KCNU1: variants seen among roughly 807,000 people sequenced by gnomAD.
KCNU1 encodes potassium calcium-activated channel subfamily U member 1, also known as potassium channel subfamily U member 1.
A neutral mutation model predicts 126.8 loss-of-function variants in KCNU1; 93 were observed. The observed-to-expected ratio is 0.73, with a 90% confidence interval of 0.62 to 0.87. The LOEUF (loss-of-function observed/expected upper bound fraction) is 0.87. KCNU1 is among the 40% of genes least tolerant of loss of function. The pLI is 0.00. For missense variants in KCNU1, 1,330 were observed against 1,367.1 expected (o/e 0.97, Z 0.43); for synonymous variants, 523 against 494.2 (o/e 1.06, Z -0.77).
intron 21 of KCNU1, 33 bp from the exon 22 acceptor site, chr8:36,910,897 A>G: frequency 6.7e-7 from 1 of 1,482,556 alleles, no homozygotes; most frequent in Non-Finnish European, 9.3e-7. Context: ...CCTCCATCCG[A>G]CCAGTGCCTC....
At chr8:36,935,055 T>C (rs895690331) in intron 26 of KCNU1, among the ~76,000 whole-genome samples, 3 of 152,136 alleles carry the variant, frequency 2.0e-5, no homozygotes, top group Non-Finnish European at 2.9e-5. Context: ...CTGAAATATA[T>C]GTCATCTTTC....
intron 18 of KCNU1, among the ~76,000 whole-genome samples, chr8:36,857,950 G>A (rs1170092008): frequency 1.3e-5 from 2 of 151,886 alleles, no homozygotes; most frequent in East Asian, 3.9e-4. Context: ...CCAGCCACAA[G>A]TTTTCTTCAT....
intron 2 of KCNU1, among the ~76,000 whole-genome samples, chr8:36,793,730 G>A (rs991457150): frequency 6.7e-6 from 1 of 148,554 alleles, no homozygotes; most frequent in African/African-American, 2.6e-5. Flanking sequence ...TTGTCCTAGT[G>A]TAATTGTTAA....
intron 2 of KCNU1, among the ~76,000 whole-genome samples, chr8:36,797,974 C>T (rs1803166494): frequency 6.6e-6 from 1 of 152,148 alleles, no homozygotes; most frequent in East Asian, 1.9e-4. Context: ...ATAGGGAGTA[C>T]AAGACGAGGC....
intron 22 of KCNU1, among the ~76,000 whole-genome samples, chr8:36,912,123 T>C (rs541464661): frequency 6.6e-6 from 1 of 152,306 alleles, no homozygotes; most frequent in South Asian, 2.1e-4. Flanking sequence ...CCTTGGGCCA[T>C]GCAGCCTCTG....
intron 20 of KCNU1, among the ~76,000 whole-genome samples, chr8:36,907,384 A>G (rs1488305984): frequency 6.6e-6 from 1 of 152,138 alleles, no homozygotes. Context: ...TTGGCCATGT[A>G]TCTTGTTTCT....
intron 2 of KCNU1, among the ~76,000 whole-genome samples, chr8:36,796,539 G>T (rs1455926326): frequency 6.6e-6 from 1 of 152,132 alleles, no homozygotes; most frequent in African/African-American, 2.4e-5. Flanking sequence ...GATATCCACT[G>T]ATATACAAAG....
rs1807769822 is a variant in KCNU1 at position 36,909,339 on chromosome 8, T to G, written c.2135T>G (p.Phe712Cys). 1 of 1,613,434 alleles carries G rather than the reference T, an allele frequency of 6.2e-7. No homozygotes were observed. The highest frequency in any genetic ancestry group is 1.1e-5 in the South Asian group (1 of 91,068). Residue 712 changes from phenylalanine (F) to cysteine (C), a missense_variant, in exon 21 of 27, where the codon TTT (phenylalanine) becomes TGT (cysteine). This residue lies in a region of KCNU1 where 1,054 missense variants were observed against 1,053.9 expected (regional missense o/e 1.00). Coordinates refer to ENST00000399881, the MANE Select transcript of KCNU1 (RefSeq NM_001031836.3). ...CGAACTGGCAAGTCAAAGTATAAGTTTCGGAACCATATTGTAGCATGTGTA... is the reference window on the plus strand; with the variant it reads ...CGAACTGGCAAGTCAAAGTATAAGTGTCGGAACCATATTGTAGCATGTGTA... Reference protein sequence around the residue: ...LKRTGKSKYKFRNHIVACVFG... With the variant: ...LKRTGKSKYKCRNHIVACVFG...
At chr8:36,811,886 A>G (rs903479043) in intron 7 of KCNU1, among the ~76,000 whole-genome samples, 16 of 151,758 alleles carry the variant, frequency 1.1e-4, no homozygotes, top group African/African-American at 3.4e-4. Context: ...GGCTAATGAA[A>G]CCTCATCTCT....
chr8:36,805,088 C>A, intron 3 of KCNU1, 107 bp from the exon 4 acceptor site: 1 of 680,690 alleles, frequency 1.5e-6, no homozygotes, highest in Non-Finnish European at 2.5e-6. Context: ...TGTCTGGATT[C>A]ATGGTGAATA....
chr8:36,865,362 T>C (rs1253773733), intron 19 of KCNU1, among the ~76,000 whole-genome samples: 1 of 152,110 alleles, frequency 6.6e-6, no homozygotes, highest in African/African-American at 2.4e-5. Flanking sequence ...GGGCATTTAT[T>C]CAAAGAAAAC....
rs1585436306 is a variant in KCNU1, at chr8:36,836,652, G to T, written c.1366-141G>T. The T allele has an allele frequency of 2.6e-5, 19 of 738,288 alleles. No individual in the cohort carries two copies. The East Asian group carries it at 5.1e-4, about 20-fold the overall frequency. The allele number at this position is 738,288 out of a possible 1,614,324, so 45.7% of individuals were successfully genotyped here. A position where few individuals can be genotyped will look rare whatever the true frequency, so the allele number is the denominator to read the frequency against. On this transcript the variant is annotated intron_variant, in intron 13 of 26. Transcript: ENST00000399881. ...TGAATTTGTTCTTATCATTTTCATT[G>T]ACCTGGGCACCACTTTTGTGTGCAA... is the stretch of plus-strand genomic sequence containing the variant.
At chr8:36,892,643 C>T (rs1012211573) in intron 19 of KCNU1, among the ~76,000 whole-genome samples, 1 of 152,040 alleles carries the variant, frequency 6.6e-6, no homozygotes, top group Non-Finnish European at 1.5e-5. Flanking sequence ...TAAATCTCTA[C>T]TCAGCTTTAT....
rs756266874 is a variant in KCNU1 at position 36,909,544 on chromosome 8, C to T, written c.2331+9C>T. On this transcript the variant is annotated intron_variant, in intron 21 of 26. Coordinates refer to ENST00000399881, the MANE Select transcript of KCNU1 (RefSeq NM_001031836.3). The stretch of plus-strand genomic sequence containing the variant: ...AGATATACATTCTGCCTGTAAGTAT[C>T]ATATAAGGAAAAGTTAATATTTATA... 2.1e-6 allele frequency: 3 copies of T among 1,441,704 alleles called. No homozygotes were observed. The South Asian group carries it at 3.5e-5, about 17-fold the overall frequency. 89.3% of individuals were successfully genotyped at this position (1,441,704 alleles called of 1,614,324 possible).
At chr8:36,846,881 A>G (rs569616827) in intron 18 of KCNU1, among the ~76,000 whole-genome samples, 2 of 151,920 alleles carry the variant, frequency 1.3e-5, no homozygotes, top group South Asian at 4.2e-4. Flanking sequence ...TAGTCAATTC[A>G]AAATATGAAT....
At chr8:36,840,889 C>T in intron 15 of KCNU1, 43 bp from the exon 16 acceptor site, 1 of 1,384,982 alleles carries the variant, frequency 7.2e-7, no homozygotes. Context: ...TTGTTGTTCA[C>T]TGACCGCTTG....
At chr8:36,810,013 G>C (rs1392668679) in intron 7 of KCNU1, among the ~76,000 whole-genome samples, 1 of 152,178 alleles carries the variant, frequency 6.6e-6, no homozygotes, top group Non-Finnish European at 1.5e-5. Context: ...AACAGCCATA[G>C]CTGAAGAATA....
At chr8:36,870,041 A>G (rs1177002980) in intron 19 of KCNU1, among the ~76,000 whole-genome samples, 1 of 152,182 alleles carries the variant, frequency 6.6e-6, no homozygotes, top group Non-Finnish European at 1.5e-5. Context: ...GCCATGTCCA[A>G]GTCGGCCTAT....
At chr8:36,882,984 T>C (rs1168714768) in intron 19 of KCNU1, among the ~76,000 whole-genome samples, 1 of 152,238 alleles carries the variant, frequency 6.6e-6, no homozygotes, top group Non-Finnish European at 1.5e-5. Flanking sequence ...ATCTCTTTTT[T>C]GCCTTCCTTA....
Sources: gnomAD v4.1 joint callset for allele counts (sites outside exome capture counted in the v4.1 genomes callset) on GRCh38, gnomAD v4.1.1 for gene constraint, gnomAD v4.1.1 regional missense constraint, MANE v1.5 for transcripts, NCBI Gene and HGNC (gene_info 2026-07-23, HGNC 2026-07-21) for gene names.